The following EPHB1 variants were observed in gnomAD, a reference collection of about 807,000 sequenced individuals.
EPHB1 encodes ephrin type-B receptor 1.
EPHB1 carries 30 observed loss-of-function variants against 94.4 expected under a neutral mutation model. The ratio of observed to expected loss-of-function variants is 0.32; its 90% CI spans 0.24 to 0.43. The LOEUF is 0.43. Among genes scored for constraint, EPHB1 ranks in the 20% least tolerant of loss-of-function variants. The pLI is 1.00. For missense variants in EPHB1, 1,055 were observed against 1,308.3 expected (o/e 0.81, Z 2.99); for synonymous variants, 522 against 489.1 (o/e 1.07, Z -0.89).
chr3:134,813,127 G>C (rs1395141005), intron 1 of EPHB1, among the ~76,000 whole-genome samples: 1 of 152,204 alleles, frequency 6.6e-6, no homozygotes, highest in Non-Finnish European at 1.5e-5. Context: ...ATGGATGGTG[G>C]TTTATGATCA....
intron 3 of EPHB1, 130 bp downstream of exon 3, chr3:134,952,182 TC>T (rs1198444167): frequency 2.1e-6 from 2 of 962,796 alleles, no homozygotes; most frequent in African/African-American, 3.3e-5. Context: ...CTCTGAGGAC[TC>T]CCATTCCTAG....
rs553328624 is a variant in EPHB1, at chr3:135,150,954, CA to C, written c.1298-3197del. Reference sequence around the variant, plus strand: ...CCCTGTTCTCAGTTGATGGCAGCCCCATTCTTCCAGATGTTTAGGCCAAAAC... The same window carrying C: ...CCCTGTTCTCAGTTGATGGCAGCCCCTTCTTCCAGATGTTTAGGCCAAAAC... On this transcript the variant is annotated intron_variant, in intron 5 of 15. Transcript: ENST00000398015. 3.9e-5 allele frequency among the ~76,000 whole-genome samples: 6 copies of C among 152,332 alleles called. No homozygotes were observed. In the East Asian group the frequency reaches 1.2e-3, roughly 29 times the overall value.
At chr3:135,043,831 G>A (rs1275673793) in intron 3 of EPHB1, among the ~76,000 whole-genome samples, 1 of 152,160 alleles carries the variant, frequency 6.6e-6, no homozygotes. Flanking sequence ...AAGCTGACCT[G>A]CCTATTCCCT....
At chr3:135,069,834 A>AT in intron 3 of EPHB1, among the ~76,000 whole-genome samples, 1 of 152,264 alleles carries the variant, frequency 6.6e-6, no homozygotes. Context: ...TAAAAAAAAA[A>AT]GCTAGAATGG....
chr3:134,858,149 CCATCATCATCAT>C (rs71139558), intron 1 of EPHB1, among the ~76,000 whole-genome samples: 8,385 of 148,424 alleles, frequency 0.056, 186 homozygotes, highest in South Asian at 0.11. Context: ...TTTTATTGTT[CCATCATCATCAT>C]CATCATCATC....
chr3:134,951,264 C>T lies in EPHB1; in HGVS notation c.124-107C>T. ...AGTCAATCTGCTGGACTGGTGAGCT[C>T]TTAAGGCCCCTTAGCCCCAGGATTC... On this transcript the variant is annotated intron_variant, in intron 2 of 15. Coordinates refer to ENST00000398015, the MANE Select transcript of EPHB1 (RefSeq NM_004441.5). This position sits in a 1 kb window ranked among gnomAD's most constrained non-coding sequence, Gnocchi z 4.5. 1 of 998,780 alleles carries T rather than the reference C, an allele frequency of 1.0e-6. No individual in the cohort carries two copies. The highest frequency in any genetic ancestry group is 2.1e-5 in the South Asian group (1 of 48,560). The allele number at this position is 998,780 out of a possible 1,614,324, so 61.9% of individuals were successfully genotyped here.
rs964864366 is a variant in EPHB1 at position 135,047,629 on chromosome 3, C to G, written c.806-58819C>G. 2.6e-5 allele frequency among the ~76,000 whole-genome samples: 4 copies of G among 152,232 alleles called. No individual in the cohort carries two copies. The South Asian group carries it at 8.3e-4, about 31-fold the overall frequency. ...GTGCTTTCTCTGTAGTGCATTGATT[C>G]TCTCATTCATCTACTCCGTTTATTC... On this transcript the variant is annotated intron_variant, in intron 3 of 15. Coordinates refer to ENST00000398015, the MANE Select transcript of EPHB1 (RefSeq NM_004441.5).
At chr3:134,886,259 T>A (rs1309113925) in intron 1 of EPHB1, among the ~76,000 whole-genome samples, 1 of 152,224 alleles carries the variant, frequency 6.6e-6, no homozygotes. Flanking sequence ...CCCAGCACCA[T>A]CATCTGCCCC....
At chr3:135,049,606 A>G (rs1010969954) in intron 3 of EPHB1, among the ~76,000 whole-genome samples, 3 of 152,222 alleles carry the variant, frequency 2.0e-5, no homozygotes, top group Non-Finnish European at 2.9e-5. Context: ...AGAAACTGGC[A>G]TACCATAGCT....
intron 2 of EPHB1, among the ~76,000 whole-genome samples, chr3:134,935,308 AG>A (rs1334273446): frequency 1.3e-5 from 2 of 152,226 alleles, no homozygotes; most frequent in African/African-American, 4.8e-5. Flanking sequence ...AAACAGGCGA[AG>A]AAGGGAGGGT....
At chr3:134,913,846 G>C (rs2038508808) in intron 1 of EPHB1, among the ~76,000 whole-genome samples, 1 of 152,232 alleles carries the variant, frequency 6.6e-6, no homozygotes, top group Admixed American at 6.5e-5. Flanking sequence ...GCAGTTCCAC[G>C]TCTCAGTGTA....
chr3:135,177,216 A>C (rs1406474937), intron 9 of EPHB1, among the ~76,000 whole-genome samples: 1 of 152,140 alleles, frequency 6.6e-6, no homozygotes, highest in Non-Finnish European at 1.5e-5. Context: ...GGGCTAGTAA[A>C]AGGTTTGGGG....
chr3:134,948,609 T>A (rs2039261141), intron 2 of EPHB1, among the ~76,000 whole-genome samples: 1 of 152,174 alleles, frequency 6.6e-6, no homozygotes, highest in Admixed American at 6.5e-5. Flanking sequence ...GGCTCGACAG[T>A]GTGAATTTAT....
At chr3:134,846,237 A>G (rs2036869214) in intron 1 of EPHB1, among the ~76,000 whole-genome samples, 1 of 152,192 alleles carries the variant, frequency 6.6e-6, no homozygotes, top group Non-Finnish European at 1.5e-5. Context: ...TTTTCTTTGC[A>G]AATACAGACC....
Position 135,215,582 on chromosome 3 carries a change from T to G in EPHB1, c.2346+13893T>G, listed in dbSNP as rs778258968. Among the ~76,000 whole-genome samples the G allele has an allele frequency of 8.3e-4, 126 of 152,218 alleles. 1 individual carries two copies. The highest frequency in any genetic ancestry group is 1.5e-3 in the Non-Finnish European group (102 of 68,034). On this transcript the variant is annotated intron_variant, in intron 12 of 15. Coordinates refer to ENST00000398015, the MANE Select transcript of EPHB1 (RefSeq NM_004441.5). ...ACCAGAAATCCAGAAAAGCTGATAT[T>G]CGCGAAGGAAAATTGAGGACCTCGT...
chr3:135,052,969 A>ATGTG lies in EPHB1; in HGVS notation c.806-53477_806-53474dup, dbSNP rs1559810962. ...TATATATATATATGTGTGTATATAT[A>ATGTG]TGTGTATATATATGTGTGTGTATAT... On this transcript the variant is annotated intron_variant, in intron 3 of 15. Transcript: ENST00000398015. Among the ~76,000 whole-genome samples, 17 of 113,754 alleles carry ATGTG rather than the reference A, an allele frequency of 1.5e-4. No individual in the cohort carries two copies. The Admixed American group carries it at 1.7e-3, about 11-fold the overall frequency. 74.6% of individuals were successfully genotyped at this position (113,754 alleles called of 152,430 possible). A position where few individuals can be genotyped will look rare whatever the true frequency, so the allele number is the denominator to read the frequency against.
chr3:135,182,954 C>G (rs1942196445), intron 10 of EPHB1, among the ~76,000 whole-genome samples: 2 of 150,374 alleles, frequency 1.3e-5, no homozygotes, highest in Admixed American at 1.3e-4. Context: ...TCTGTTTGTT[C>G]TTTCGTTTCT....
chr3:134,861,086 G>C (rs1018195337), intron 1 of EPHB1, among the ~76,000 whole-genome samples: 5 of 152,242 alleles, frequency 3.3e-5, no homozygotes, highest in African/African-American at 1.2e-4. Context: ...GAACTGTAAC[G>C]CCAGTTAGAG....
At chr3:134,907,990 C>T (rs570712684) in intron 1 of EPHB1, among the ~76,000 whole-genome samples, 61 of 152,312 alleles carry the variant, frequency 4.0e-4, no homozygotes, top group African/African-American at 1.4e-3. Context: ...CAAGCTTCCT[C>T]CTTTGAGGTG....
Sources: gnomAD v4.1 joint callset for allele counts (sites outside exome capture counted in the v4.1 genomes callset) on GRCh38, gnomAD v4.1.1 for gene constraint, Gnocchi (gnomAD v3.1) non-coding constraint, MANE v1.5 for transcripts, NCBI Gene and HGNC (gene_info 2026-07-23, HGNC 2026-07-21) for gene names.